AKAP19: variants seen among roughly 807,000 people sequenced by gnomAD.
AKAP19 encodes small A-kinase anchoring protein.
chr2:189,968,471 C>T, the AKAP19 span, among the ~76,000 whole-genome samples: 1 of 152,128 alleles, frequency 6.6e-6, no homozygotes, highest in Admixed American at 6.5e-5. Context: ...ACCTCGTGGC[C>T]TCAAGTGATT....
At chr2:189,977,834 A>G in the AKAP19 span, among the ~76,000 whole-genome samples, 1 of 152,222 alleles carries the variant, frequency 6.6e-6, no homozygotes, top group African/African-American at 2.4e-5. Context: ...TTGACTTACA[A>G]TGATTTGAAT....
At chr2:189,943,884 C>T in the AKAP19 span, among the ~76,000 whole-genome samples, 1 of 152,226 alleles carries the variant, frequency 6.6e-6, no homozygotes, top group Non-Finnish European at 1.5e-5. Flanking sequence ...TGGCTGATTT[C>T]TCCCTTTTAG....
chr2:190,085,582 G>A, the AKAP19 span, among the ~76,000 whole-genome samples: 2 of 152,182 alleles, frequency 1.3e-5, no homozygotes, highest in South Asian at 2.1e-4. Flanking sequence ...AGATCACAAC[G>A]TACTTGAGGC....
the AKAP19 span, among the ~76,000 whole-genome samples, chr2:189,994,607 T>C: frequency 6.6e-6 from 1 of 151,786 alleles, no homozygotes; most frequent in South Asian, 2.1e-4. Flanking sequence ...TTATTATTAT[T>C]ATTATTTTTG....
chr2:190,077,288 C>A, the AKAP19 span, among the ~76,000 whole-genome samples: 2 of 151,506 alleles, frequency 1.3e-5, no homozygotes, highest in African/African-American at 4.9e-5. Flanking sequence ...TGGCTCACTG[C>A]AACCTCTGCC....
the AKAP19 span, chr2:190,199,991 T>C: frequency 3.7e-6 from 6 of 1,614,056 alleles, no homozygotes; most frequent in Non-Finnish European, 5.1e-6. Context: ...CCAGTTAATG[T>C]CAAAGAGGAA....
chr2:190,020,575 C>G, the AKAP19 span, among the ~76,000 whole-genome samples: 2 of 152,184 alleles, frequency 1.3e-5, no homozygotes, highest in Non-Finnish European at 2.9e-5. Flanking sequence ...CTTAAATACT[C>G]TGGTTGAGTT....
the AKAP19 span, chr2:190,199,679 C>G: frequency 7.1e-7 from 1 of 1,402,188 alleles, no homozygotes; most frequent in Non-Finnish European, 9.3e-7. Flanking sequence ...CAAAATGAAA[C>G]CTACCTTCTC....
At chr2:190,097,958 T>C in the AKAP19 span, among the ~76,000 whole-genome samples, 11 of 152,008 alleles carry the variant, frequency 7.2e-5, no homozygotes, top group East Asian at 2.1e-3. Context: ...TCTCATGAGA[T>C]TGCATATCAT....
chr2:190,010,217 A>G, the AKAP19 span, among the ~76,000 whole-genome samples: 2 of 152,254 alleles, frequency 1.3e-5, no homozygotes, highest in African/African-American at 2.4e-5. Context: ...GGATAATTTT[A>G]CTTTAGATCA....
At chr2:190,176,265 A>C in the AKAP19 span, among the ~76,000 whole-genome samples, 1 of 152,258 alleles carries the variant, frequency 6.6e-6, no homozygotes, top group African/African-American at 2.4e-5. This position sits in a 1 kb window ranked among gnomAD's most constrained non-coding sequence, Gnocchi z 4.7. Flanking sequence ...GTTCACAACA[A>C]GGTTTTAAAG....
the AKAP19 span, among the ~76,000 whole-genome samples, chr2:190,013,356 AATGT>A: frequency 6.6e-6 from 1 of 151,916 alleles, no homozygotes; most frequent in Admixed American, 6.6e-5. Context: ...TGTGTCTAGG[AATGT>A]ATTTCTTCTT....
the AKAP19 span, among the ~76,000 whole-genome samples, chr2:189,943,356 C>T: frequency 2.6e-5 from 4 of 152,198 alleles, no homozygotes; most frequent in South Asian, 8.3e-4. Flanking sequence ...TTGGCAGCTT[C>T]CACATGTTGT....
the AKAP19 span, chr2:190,199,983 AGTTAATGTCAAAGAGGAAGT>A: frequency 1.2e-6 from 2 of 1,614,172 alleles, no homozygotes; most frequent in Non-Finnish European, 1.7e-6. Flanking sequence ...TGGCTTCTCC[AGTTAATGTCAAAGAGGAAGT>A]GAAGGAACCT....
the AKAP19 span, among the ~76,000 whole-genome samples, chr2:190,090,342 G>A: frequency 6.6e-6 from 1 of 152,160 alleles, no homozygotes; most frequent in Non-Finnish European, 1.5e-5. Flanking sequence ...AGGTCATAAA[G>A]GGCATTGCAG....
At chr2:190,195,052 C>T in the AKAP19 span, among the ~76,000 whole-genome samples, 14 of 151,986 alleles carry the variant, frequency 9.2e-5, no homozygotes, top group East Asian at 7.7e-4. Flanking sequence ...TTTGTAGAGA[C>T]GGGGTCTTGC....
chr2:190,195,370 A>G, the AKAP19 span, among the ~76,000 whole-genome samples: 1 of 149,958 alleles, frequency 6.7e-6, no homozygotes. Context: ...ATACAGTAAG[A>G]ATGTTTCACT....
At chr2:190,101,023 G>C in the AKAP19 span, among the ~76,000 whole-genome samples, 2 of 152,222 alleles carry the variant, frequency 1.3e-5, no homozygotes, top group Non-Finnish European at 2.9e-5. Context: ...GAGGCTTGGA[G>C]ATGCTATGAG....
chr2:189,968,222 TA>T, the AKAP19 span, among the ~76,000 whole-genome samples: 1 of 152,222 alleles, frequency 6.6e-6, no homozygotes, highest in Non-Finnish European at 1.5e-5. Flanking sequence ...TTAAATGATA[TA>T]GTTAAATATT....
Sources: allele counts gnomAD v4.1 joint callset (sites outside exome capture counted in the v4.1 genomes callset), GRCh38; gene constraint gnomAD v4.1.1; non-coding constraint Gnocchi (gnomAD v3.1); transcripts MANE v1.5; gene names NCBI Gene and HGNC (gene_info 2026-07-23, HGNC 2026-07-21).